The following HSPG2 variants were observed in gnomAD, a reference collection of about 807,000 sequenced individuals.
HSPG2 encodes heparan sulfate proteoglycan 2, also known as basement membrane-specific heparan sulfate proteoglycan core protein.
A neutral mutation model predicts 526.6 loss-of-function variants in HSPG2; 278 were observed. The observed-to-expected ratio is 0.53, with a 90% CI of 0.48 to 0.58. The LOEUF (loss-of-function observed/expected upper bound fraction) is 0.58, where lower values mean the gene tolerates loss of function less well. Ranked by LOEUF, HSPG2 falls within the 20% of genes least tolerant of loss-of-function variation. HSPG2 has a pLI of 0.00. For synonymous variants in HSPG2, 2,465 were observed against 2,555.4 expected (o/e 0.96, Z 1.07); for missense variants, 5,354 against 6,099.5 (o/e 0.88, Z 4.07).
chr1:21,873,186 T>A (rs1640791695), intron 30 of HSPG2, 95 bp from the exon 31 acceptor site: 1 of 1,230,110 alleles, frequency 8.1e-7, no homozygotes, highest in Admixed American at 1.7e-5. Context: ...GAGCTCTGAT[T>A]TCTGATGTGA....
chr1:21,827,511 T>C (rs1012595887), intron 91 of HSPG2, among the ~76,000 whole-genome samples: 1 of 152,222 alleles, frequency 6.6e-6, no homozygotes, highest in Non-Finnish European at 1.5e-5. Flanking sequence ...CTTCACTGTT[T>C]CCTTAGCTTT....
rs748189648 is a variant in HSPG2 at position 21,887,265 on chromosome 1, C to T, written c.1028G>A (p.Arg343His). The T allele has an allele frequency of 2.4e-5, 38 of 1,613,744 alleles. 3 individuals carry two copies. The South Asian group carries it at 2.4e-4, about 10-fold the overall frequency. ...GNGHCALKLW[R>H]CDGDFDCEDR... ...CTCACAGTCAAAGTCACCATCGCAG[C>T]GCCACAGCTTGAGGGCACAATGTCC... Residue 343 changes from arginine (R) to histidine (H), a missense_variant, in exon 9 of 97, where the codon CGC becomes CAC. Physicochemically the swap from Arg to His is conservative, Grantham distance 29 (BLOSUM62 0). Transcript: ENST00000374695. The surrounding 1 kb of genome is among the most constrained non-coding windows in gnomAD (Gnocchi z 5.0).
At chr1:21,861,646 G>T in intron 39 of HSPG2, 111 bp downstream of exon 39, 2 of 989,212 alleles carry the variant, frequency 2.0e-6, no homozygotes, top group Non-Finnish European at 3.1e-6. Flanking sequence ...TTGAGGCAGG[G>T]AAGGAGCATA....
intron 91 of HSPG2, among the ~76,000 whole-genome samples, chr1:21,827,393 C>G (rs1047903818): frequency 6.6e-6 from 1 of 152,176 alleles, no homozygotes; most frequent in Non-Finnish European, 1.5e-5. Context: ...AGTCTATACT[C>G]TTACCCACTA....
chr1:21,885,077 T>A lies in HSPG2; in HGVS notation c.1291A>T (p.Ile431Phe), dbSNP rs374330953. The A allele has an allele frequency of 3.7e-6, 6 of 1,613,534 alleles. No individual in the cohort carries two copies. Among genetic ancestry groups the A allele is most frequent in the African/African-American group, 2.7e-5 (2 of 74,872 alleles). ...TTGATGATGGGGGTGGGGACGCCAATGGCCACGCAGGTGAAGGTCACTGTC... is the reference window on the plus strand; with the variant it reads ...TTGATGATGGGGGTGGGGACGCCAAAGGCCACGCAGGTGAAGGTCACTGTC... ...GQTVTFTCVA[I>F]GVPTPIINWR... The change falls in exon 11 of 97, where the codon ATT (isoleucine) becomes TTT (phenylalanine). Residue 431 changes from isoleucine to phenylalanine, a missense_variant. Ile to Phe is a conservative substitution (Grantham distance 21). Transcript: ENST00000374695.
rs1483559979 is a variant in HSPG2 at position 21,834,866 on chromosome 1, C to T, written c.10533G>A (p.Leu3511=). Reference sequence around the variant, plus strand: ...CCTGAGGCTTGGGGTCACCCAGTGCCAGGCATTCGAACTCCACGGCGTGGC... The same window carrying T: ...CCTGAGGCTTGGGGTCACCCAGTGCTAGGCATTCGAACTCCACGGCGTGGC... ...VVGHAVEFEC[L]ALGDPKPQVT... The change falls in exon 77 of 97, where the codon CTG becomes CTA. Residue 3511 remains leucine, a synonymous_variant. Coordinates refer to ENST00000374695, the MANE Select transcript of HSPG2 (RefSeq NM_005529.7). 1 of 1,614,024 alleles carries T rather than the reference C, an allele frequency of 6.2e-7. No homozygotes were observed. Among genetic ancestry groups the T allele is most frequent in the South Asian group, 1.1e-5 (1 of 91,084 alleles).
intron 44 of HSPG2, among the ~76,000 whole-genome samples, 168 bp from the exon 45 acceptor site, chr1:21,856,080 C>T (rs1273441556): frequency 6.6e-6 from 1 of 152,202 alleles, no homozygotes. Flanking sequence ...TTGTGACCTC[C>T]CACCTTGAGA....
chr1:21,830,232 G>A, intron 85 of HSPG2, 141 bp from the exon 86 acceptor site: 1 of 711,164 alleles, frequency 1.4e-6, no homozygotes, highest in Non-Finnish European at 2.5e-6. Flanking sequence ...CCTTGGAGGA[G>A]GGAACTGAGC....
At chr1:21,897,445 C>T (rs1284807936) in intron 1 of HSPG2, among the ~76,000 whole-genome samples, 1 of 152,196 alleles carries the variant, frequency 6.6e-6, no homozygotes, top group Non-Finnish European at 1.5e-5. Context: ...GCCAGCCAGG[C>T]CCCCTTCCCT....
In HSPG2 at chr1:21,876,586, G is replaced by T. The variant is rs1330219549; in HGVS notation, c.2752C>A (p.Pro918Thr). The T allele has an allele frequency of 3.1e-6, 5 of 1,614,140 alleles. No homozygotes were observed. In the South Asian group the frequency reaches 4.4e-5, roughly 14 times the overall value. ...DGSFHLSTRN[P>T]DGCLKCFCMG... ...CAGAAGCACTTGAGGCAGCCATCGG[G>T]GTTTCGGGTACTCAGGTGGAAAGAG... The change falls in exon 22 of 97, where the codon CCC (proline) becomes ACC (threonine). Residue 918 changes from proline (P) to threonine (T), a missense_variant. Transcript: ENST00000374695.
At chr1:21,832,474 T>C in intron 81 of HSPG2, 21 bp downstream of exon 81, 5 of 1,573,112 alleles carry the variant, frequency 3.2e-6, no homozygotes, top group Non-Finnish European at 4.4e-6. Flanking sequence ...CCCCTGTAGG[T>C]GGGGAGGCTG....
Position 21,864,525 on chromosome 1 carries a change from C to A in HSPG2, c.4627-312G>T, listed in dbSNP as rs981336080. The stretch of plus-strand genomic sequence containing the variant: ...GGGTTTTAACCCCCGGAGAGTGTGG[C>A]CCAAACGTGAGGCTGCACTGCCCAG... On this transcript the variant is annotated intron_variant, in intron 36 of 96. Coordinates refer to ENST00000374695, the MANE Select transcript of HSPG2 (RefSeq NM_005529.7). The surrounding 1 kb of genome is among the most constrained non-coding windows in gnomAD (Gnocchi z 4.8). 6.6e-6 allele frequency among the ~76,000 whole-genome samples: 1 copy of A among 152,210 alleles called. No individual in the cohort carries two copies. The highest frequency in any genetic ancestry group is 1.5e-5 in the Non-Finnish European group (1 of 68,040).
rs1207485970 is a variant in HSPG2, at chr1:21,851,641, C to G, written c.7063G>C (p.Gly2355Arg). ...ACGCAGTTCAGATCCAGGGTCTGCCCTTCCGCCACTTGCGAGGAGGAGGGC... is the reference window on the plus strand; with the variant it reads ...ACGCAGTTCAGATCCAGGGTCTGCCGTTCCGCCACTTGCGAGGAGGAGGGC... ...IEPSSSQVAE[G>R]QTLDLNCVVP... The change falls in exon 55 of 97, where the codon GGG becomes CGG. Residue 2355 changes from glycine to arginine, a missense_variant. Physicochemically the swap from Gly to Arg is moderately radical, Grantham distance 125. Coordinates refer to ENST00000374695, the MANE Select transcript of HSPG2 (RefSeq NM_005529.7). 1.2e-6 allele frequency: 2 copies of G among 1,613,922 alleles called. No individual in the cohort carries two copies. Among genetic ancestry groups the G allele is most frequent in the Non-Finnish European group, 1.7e-6 (2 of 1,180,060 alleles).
chr1:21,906,730 G>T (rs1024151804), intron 1 of HSPG2, among the ~76,000 whole-genome samples: 4 of 143,378 alleles, frequency 2.8e-5, no homozygotes, highest in Admixed American at 2.1e-4. Context: ...GGACTGGGGG[G>T]TGGGGGGGGG....
chr1:21,839,008 G>A lies in HSPG2; in HGVS notation c.9967C>T (p.His3323Tyr). ...TGGAAGGTGAGTGGGGGTGTCCCGT[G>A]AGCCAGGCACTGGAGCTGCACCGTC... ...GETVQLQCLAHGTPPLTFQWS... is the reference protein window; with the variant it reads ...GETVQLQCLAYGTPPLTFQWS... The change falls in exon 74 of 97, where the codon CAC becomes TAC. Residue 3323 changes from histidine (H) to tyrosine (Y), a missense_variant. His to Tyr is a moderately conservative substitution (Grantham distance 83, BLOSUM62 2). Transcript: ENST00000374695. The surrounding 1 kb of genome is among the most constrained non-coding windows in gnomAD (Gnocchi z 4.5). The A allele has an allele frequency of 6.2e-7, 1 of 1,609,072 alleles. No individual in the cohort carries two copies. The highest frequency in any genetic ancestry group is 8.5e-7 in the Non-Finnish European group (1 of 1,176,058).
In HSPG2 at chr1:21,822,351, T is replaced by G. The variant is rs781498480; in HGVS notation, c.*965A>C. ...CCCAACCCCACAGTCTGGGGGCCAC[T>G]GGCAGGATGGCACTTGAGCTGGATC... On this transcript the variant is annotated 3_prime_UTR_variant, in exon 97 of 97. Coordinates refer to ENST00000374695, the MANE Select transcript of HSPG2 (RefSeq NM_005529.7). 1.2e-6 allele frequency: 1 copy of G among 818,328 alleles called. No individual in the cohort carries two copies. The highest frequency in any genetic ancestry group is 2.0e-6 in the Non-Finnish European group (1 of 492,182). The allele number at this position is 818,328 out of a possible 1,614,324, so 50.7% of individuals were successfully genotyped here. A position where few individuals can be genotyped will look rare whatever the true frequency, so the allele number is the denominator to read the frequency against.
rs758996408 is a variant in HSPG2 at position 21,829,577 on chromosome 1, G to A, written c.11798C>T (p.Ser3933Leu). 16 of 1,608,248 alleles carry A rather than the reference G, an allele frequency of 9.9e-6. No homozygotes were observed. Among genetic ancestry groups the A allele is most frequent in the East Asian group, 2.2e-5 (1 of 44,770 alleles). Residue 3933 changes from serine to leucine, a missense_variant, in exon 87 of 97, where the codon TCG becomes TTG. By Grantham distance (145) the Ser-to-Leu change is moderately radical. Coordinates refer to ENST00000374695, the MANE Select transcript of HSPG2 (RefSeq NM_005529.7). The stretch of plus-strand genomic sequence containing the variant: ...CAGTGCCAGGTAGGAGCCAGCACCC[G>A]ACAGCGAGGGGGTGGTCACTGTCAC... ...EGVTVTTPSLSGAGSYLALPA... is the reference protein window; with the variant it reads ...EGVTVTTPSLLGAGSYLALPA...
At position 21,854,336 on chromosome 1, in the gene HSPG2, C is replaced by A. The variant is rs1308703685; in HGVS notation, c.6296G>T (p.Gly2099Val). 1.3e-6 allele frequency: 2 copies of A among 1,568,712 alleles called. No individual in the cohort carries two copies. Among genetic ancestry groups the A allele is most frequent in the East Asian group, 4.6e-5 (2 of 43,230 alleles). The change falls in exon 50 of 97, where the codon GGC becomes GTC. Residue 2099 changes from glycine to valine, a missense_variant. Physicochemically the swap from Gly to Val is moderately radical, Grantham distance 109. Transcript: ENST00000374695. ...GACCTGGGGGAGCCGCAGACGGGAGCCGTGCACCTGGGCCAGGAGGAGCCA... is the reference window on the plus strand; with the variant it reads ...GACCTGGGGGAGCCGCAGACGGGAGACGTGCACCTGGGCCAGGAGGAGCCA... ...GSLPPHTQVH[G>V]SRLRLPQVSP... is the part of the protein sequence containing the mutation.
In HSPG2 at chr1:21,828,029, C is replaced by A. The variant is rs1314242154; in HGVS notation, c.12532+1G>T. The stretch of plus-strand genomic sequence containing the variant: ...AGTGGAGAGAAGCCAGGCCTGGGTA[C>A]CTTGTTGGCAGCGTGGGCCAGAGAA... On this transcript the variant is annotated splice_donor_variant, in intron 90 of 96. Coordinates refer to ENST00000374695, the MANE Select transcript of HSPG2 (RefSeq NM_005529.7). LOFTEE classifies it high-confidence loss of function. The surrounding 1 kb of genome is among the most constrained non-coding windows in gnomAD (Gnocchi z 6.0). 5.6e-6 allele frequency: 9 copies of A among 1,613,618 alleles called. No homozygotes were observed. The highest frequency in any genetic ancestry group is 2.2e-5 in the East Asian group (1 of 44,886).
Sources: gnomAD v4.1 joint callset for allele counts (sites outside exome capture counted in the v4.1 genomes callset) on GRCh38, gnomAD v4.1.1 for gene constraint, Gnocchi (gnomAD v3.1) non-coding constraint, MANE v1.5 for transcripts, NCBI Gene and HGNC (gene_info 2026-07-23, HGNC 2026-07-21) for gene names.